The following TRMT1L variants were observed in gnomAD, a reference collection of about 807,000 sequenced individuals.
TRMT1L encodes the protein tRNA (guanine(27)-N(2))-dimethyltransferase.
In TRMT1L, 28 loss-of-function variants were observed where a neutral mutation model predicts 81.6. The ratio of observed to expected loss-of-function variants is 0.34; its 90% CI spans 0.25 to 0.47. TRMT1L has a LOEUF of 0.47. Among genes scored for constraint, TRMT1L ranks in the 20% least tolerant of loss-of-function variants. The probability of loss-of-function intolerance (pLI) is 1.00; values close to 1 mark genes in which losing one functional copy is unlikely to be tolerated. For missense variants in TRMT1L, 739 were observed against 877.1 expected (o/e 0.84, Z 1.99); for synonymous variants, 301 against 303.2 (o/e 0.99, Z 0.07).
At chr1:185,131,246 G>A (rs927242455) in intron 10 of TRMT1L, among the ~76,000 whole-genome samples, 4 of 151,984 alleles carry the variant, frequency 2.6e-5, no homozygotes, top group Admixed American at 1.3e-4. Flanking sequence ...TGATCTGCCC[G>A]CCTCAGCCTC....
In TRMT1L at chr1:185,138,718, C is replaced by T. The variant is rs184457449; in HGVS notation, c.1322+649G>A. Reference sequence around the variant, plus strand: ...ATTTTGTAAGACCATTTTGCAGAATCAAGTTTGTAAGCCATCATTTTATTC... The same window carrying T: ...ATTTTGTAAGACCATTTTGCAGAATTAAGTTTGTAAGCCATCATTTTATTC... On this transcript the variant is annotated intron_variant, in intron 9 of 14. Transcript: ENST00000367506. Among the ~76,000 whole-genome samples, 467 of 152,278 alleles carry T rather than the reference C, an allele frequency of 3.1e-3. 8 individuals are homozygous for T. Among genetic ancestry groups the T allele is most frequent in the Admixed American group, 0.029 (443 of 15,298 alleles).
chr1:185,140,162 T>C lies in TRMT1L; in HGVS notation c.920A>G (p.Asp307Gly). ...LGNAVKVTIN[D>G]LNENSVTLIQ... is the part of the protein sequence containing the mutation. ...CAGTGTCACAGAATTTTCATTCAAG[T>C]CATTGATTGTAACTTTGACTGCATT... Residue 307 changes from aspartate (D) to glycine (G), a missense_variant, in exon 8 of 15, where the codon GAC becomes GGC. Around this residue, in one of 4 missense-constraint regions of TRMT1L, gnomAD observed 331 missense variants for 462.2 expected, o/e 0.72. Coordinates refer to ENST00000367506, the MANE Select transcript of TRMT1L (RefSeq NM_030934.5). 6.2e-7 allele frequency: 1 copy of C among 1,613,778 alleles called. No homozygotes were observed. The highest frequency in any genetic ancestry group is 8.5e-7 in the Non-Finnish European group (1 of 1,179,820).
chr1:185,129,623 A>G (rs998890088), intron 10 of TRMT1L, among the ~76,000 whole-genome samples: 1 of 152,214 alleles, frequency 6.6e-6, no homozygotes, highest in Non-Finnish European at 1.5e-5. Flanking sequence ...AATCAGTCCC[A>G]GATACATTCA....
chr1:185,156,273 G>C (rs1481211589), intron 1 of TRMT1L, among the ~76,000 whole-genome samples: 1 of 152,032 alleles, frequency 6.6e-6, no homozygotes, highest in Non-Finnish European at 1.5e-5. Context: ...ATCCCTCACC[G>C]TGACATCCTC....
chr1:185,143,227 CAAT>C, intron 7 of TRMT1L, 127 bp downstream of exon 7: 1 of 703,768 alleles, frequency 1.4e-6, no homozygotes, highest in Non-Finnish European at 2.3e-6. Flanking sequence ...AAATTTTTCA[CAAT>C]AAAAAATTAA....
At chr1:185,151,233 A>T (rs932288347) in intron 2 of TRMT1L, among the ~76,000 whole-genome samples, 3 of 152,114 alleles carry the variant, frequency 2.0e-5, no homozygotes, top group Non-Finnish European at 4.4e-5. Flanking sequence ...TCATTTAGTA[A>T]TTTTTTTCTT....
chr1:185,124,342 T>G (rs768983132), intron 12 of TRMT1L, among the ~76,000 whole-genome samples: 11 of 119,792 alleles, frequency 9.2e-5, no homozygotes, highest in Non-Finnish European at 1.7e-4. Context: ...ACCTTTAGTG[T>G]TTTTTTTTTC....
chr1:185,141,235 C>A (rs6424971), intron 7 of TRMT1L, among the ~76,000 whole-genome samples: 23 of 152,024 alleles, frequency 1.5e-4, no homozygotes, highest in Non-Finnish European at 2.5e-4. Context: ...TTCACATATA[C>A]GCATTTTTCA....
At position 185,141,300 on chromosome 1, in the gene TRMT1L, A is replaced by G. The variant is rs199774037; in HGVS notation, c.860-1078T>C. Among the ~76,000 whole-genome samples, 5 of 152,198 alleles carry G rather than the reference A, an allele frequency of 3.3e-5. No individual in the cohort carries two copies. In the East Asian group the frequency reaches 7.7e-4, roughly 23 times the overall value. On this transcript the variant is annotated intron_variant, in intron 7 of 14. Coordinates refer to ENST00000367506, the MANE Select transcript of TRMT1L (RefSeq NM_030934.5). ...GACATCCTCATTTTAGGAATGGCAA[A>G]ATGTGCAAAATGACTGCTCCAGACC...
chr1:185,119,855 C>T lies in TRMT1L; in HGVS notation c.*164G>A. On this transcript the variant is annotated 3_prime_UTR_variant, in exon 15 of 15. Transcript: ENST00000367506. Reference sequence around the variant, plus strand: ...ACAAAAAAAAACTTGGAAAGCAAAGCTCCCAAACCAGCTAAGTTAGAAACT... The same window carrying T: ...ACAAAAAAAAACTTGGAAAGCAAAGTTCCCAAACCAGCTAAGTTAGAAACT... 1.2e-6 allele frequency: 1 copy of T among 852,964 alleles called. No individual in the cohort carries two copies. Among genetic ancestry groups the T allele is most frequent in the Non-Finnish European group, 1.7e-6 (1 of 594,026 alleles). The allele number at this position is 852,964 out of a possible 1,614,324, so 52.8% of individuals were successfully genotyped here. A position where few individuals can be genotyped will look rare whatever the true frequency, so the allele number is the denominator to read the frequency against.
In TRMT1L at chr1:185,139,414, T is replaced by C. The variant is rs747505552; in HGVS notation, c.1275A>G (p.Glu425=). 3.1e-6 allele frequency: 5 copies of C among 1,614,094 alleles called. No homozygotes were observed. The highest frequency in any genetic ancestry group is 2.2e-5 in the East Asian group (1 of 44,874). The change falls in exon 9 of 15, where the codon GAA becomes GAG. Residue 425 remains glutamate (E), a synonymous_variant. Transcript: ENST00000367506. The part of the protein sequence containing the change: ...RHYGCNIVRT[E]YYKELAARIV... ...TTCTGGCTGCTAGTTCCTTGTAATATTCAGTTCGGACAATGTTACATCCGT... is the reference window on the plus strand; with the variant it reads ...TTCTGGCTGCTAGTTCCTTGTAATACTCAGTTCGGACAATGTTACATCCGT...
chr1:185,122,020 G>T (rs539127665), intron 13 of TRMT1L, among the ~76,000 whole-genome samples: 38 of 152,162 alleles, frequency 2.5e-4, no homozygotes, highest in African/African-American at 8.9e-4. Context: ...GCTCCCACTT[G>T]TAAGTTAGAA....
At chr1:185,133,676 C>T (rs1652828178) in intron 10 of TRMT1L, among the ~76,000 whole-genome samples, 1 of 151,028 alleles carries the variant, frequency 6.6e-6, no homozygotes, top group Admixed American at 6.6e-5. Context: ...TAGCTCACTG[C>T]AGCCTTGAAC....
At chr1:185,126,797 G>T (rs1652641208) in intron 11 of TRMT1L, among the ~76,000 whole-genome samples, 2 of 152,150 alleles carry the variant, frequency 1.3e-5, no homozygotes, top group Admixed American at 1.3e-4. Flanking sequence ...AGGAGTTCAA[G>T]ACCAGCCTGG....
intron 11 of TRMT1L, among the ~76,000 whole-genome samples, chr1:185,126,636 G>C (rs950564505): frequency 3.9e-5 from 6 of 152,212 alleles, no homozygotes; most frequent in Non-Finnish European, 8.8e-5. Flanking sequence ...ACTTCAAAAA[G>C]AAAGTACAAT....
chr1:185,121,125 G>C (rs919556476), intron 13 of TRMT1L, among the ~76,000 whole-genome samples: 1 of 152,078 alleles, frequency 6.6e-6, no homozygotes, highest in Non-Finnish European at 1.5e-5. Flanking sequence ...AGTGAAAGGA[G>C]GCCAGCTAAG....
intron 1 of TRMT1L, 51 bp downstream of exon 1, chr1:185,156,427 G>A: frequency 6.2e-7 from 1 of 1,613,332 alleles, no homozygotes; most frequent in South Asian, 1.1e-5. Flanking sequence ...TTCCCAGCAA[G>A]GCGCACTTTC....
chr1:185,146,093 G>A (rs560398656), intron 4 of TRMT1L, among the ~76,000 whole-genome samples: 3 of 152,054 alleles, frequency 2.0e-5, no homozygotes, highest in African/African-American at 7.2e-5. Flanking sequence ...GTAAATAACT[G>A]TAAGTGCACA....
chr1:185,119,491 G>T lies in TRMT1L; in HGVS notation c.*528C>A, dbSNP rs1652442438. 1 of 152,170 alleles carries T rather than the reference G, an allele frequency of 6.6e-6. No homozygotes were observed. The highest frequency in any genetic ancestry group is 2.1e-4 in the South Asian group (1 of 4,828). 9.4% of individuals were successfully genotyped at this position (152,170 alleles called of 1,614,324 possible). ...AGAAATGAAAAGATCAATGTGGAGA[G>T]AAGTATGATTTCTTAAAAATGGGTA... is the stretch of plus-strand genomic sequence containing the variant. On this transcript the variant is annotated 3_prime_UTR_variant, in exon 15 of 15. Coordinates refer to ENST00000367506, the MANE Select transcript of TRMT1L (RefSeq NM_030934.5).
Sources: allele counts gnomAD v4.1 joint callset (sites outside exome capture counted in the v4.1 genomes callset), GRCh38; gene constraint gnomAD v4.1.1; regional missense constraint gnomAD v4.1.1; transcripts MANE v1.5; gene names NCBI Gene and HGNC (gene_info 2026-07-23, HGNC 2026-07-21).